GBE1: variants seen among roughly 807,000 people sequenced by gnomAD.
The protein encoded by GBE1 is 1,4-alpha-glucan branching enzyme 1.
A neutral mutation model predicts 88.8 loss-of-function variants in GBE1; 70 were observed. The ratio of observed to expected loss-of-function variants is 0.79; its 90% CI spans 0.65 to 0.96. The LOEUF (loss-of-function observed/expected upper bound fraction) is 0.96, where lower values mean the gene tolerates loss of function less well. Among genes scored for constraint, GBE1 ranks in the 40% least tolerant of loss-of-function variants. The pLI is 0.00. For missense variants in GBE1, 872 were observed against 871.0 expected (o/e 1.00, Z -0.01); for synonymous variants, 284 against 300.1 (o/e 0.95, Z 0.56).
At chr3:81,750,883 T>C (rs1413405021) in intron 1 of GBE1, among the ~76,000 whole-genome samples, 1 of 150,934 alleles carries the variant, frequency 6.6e-6, no homozygotes, top group Admixed American at 6.6e-5. Context: ...TTTCACCATA[T>C]TGGCCAGGCT....
intron 12 of GBE1, 24 bp downstream of exon 12, chr3:81,577,901 C>T (rs1284386300): frequency 1.9e-6 from 3 of 1,540,194 alleles, no homozygotes; most frequent in East Asian, 4.7e-5. Flanking sequence ...ACACAAATTG[C>T]ATATGTGTTT....
chr3:81,493,263 G>C (rs1336280226), intron 15 of GBE1, among the ~76,000 whole-genome samples: 1 of 152,072 alleles, frequency 6.6e-6, no homozygotes, highest in Non-Finnish European at 1.5e-5. Flanking sequence ...CAGGTAAAAA[G>C]ACCCTGATAA....
chr3:81,554,273 T>G (rs747665185), intron 12 of GBE1, among the ~76,000 whole-genome samples: 4 of 152,174 alleles, frequency 2.6e-5, no homozygotes, highest in Non-Finnish European at 5.9e-5. Flanking sequence ...AATTTGCTAA[T>G]GGAGAACCTT....
chr3:81,761,316 G>A (rs1575782005), intron 1 of GBE1, 59 bp downstream of exon 1: 3 of 1,549,344 alleles, frequency 1.9e-6, no homozygotes, highest in South Asian at 2.3e-5. Flanking sequence ...CGTGTCCCGA[G>A]ACGGCTCCTG....
At chr3:81,637,635 C>G (rs1408686181) in intron 7 of GBE1, among the ~76,000 whole-genome samples, 2 of 151,860 alleles carry the variant, frequency 1.3e-5, no homozygotes, top group African/African-American at 4.8e-5. Flanking sequence ...GAATTGTTCT[C>G]TTTGTAATTC....
chr3:81,584,118 A>T (rs1703766701), intron 10 of GBE1, among the ~76,000 whole-genome samples: 2 of 152,100 alleles, frequency 1.3e-5, no homozygotes, highest in South Asian at 4.1e-4. Context: ...AAAATGATCA[A>T]ATAAAATGAA....
intron 1 of GBE1, among the ~76,000 whole-genome samples, chr3:81,709,109 A>G (rs1705816628): frequency 6.6e-6 from 1 of 152,210 alleles, no homozygotes; most frequent in Non-Finnish European, 1.5e-5. Context: ...GTTACACCTC[A>G]TTGCTGCGTA....
chr3:81,511,281 G>T (rs1263658036), intron 14 of GBE1, among the ~76,000 whole-genome samples: 1 of 151,802 alleles, frequency 6.6e-6, no homozygotes, highest in Non-Finnish European at 1.5e-5. Context: ...ACAATTTATG[G>T]CTAACTCATC....
intron 7 of GBE1, among the ~76,000 whole-genome samples, chr3:81,598,229 T>C (rs1703985327): frequency 6.6e-6 from 1 of 151,822 alleles, no homozygotes; most frequent in African/African-American, 2.4e-5. Context: ...TGGCTAAATA[T>C]CAAAAAAATA....
chr3:81,734,854 A>G (rs1706238421), intron 1 of GBE1, among the ~76,000 whole-genome samples: 1 of 152,188 alleles, frequency 6.6e-6, no homozygotes, highest in Non-Finnish European at 1.5e-5. Flanking sequence ...CCTGAGGTCA[A>G]TGTGGTACAA....
chr3:81,648,767 C>CA (rs1009426313), intron 5 of GBE1, 89 bp downstream of exon 5: 2 of 749,516 alleles, frequency 2.7e-6, no homozygotes, highest in Admixed American at 3.6e-5. Context: ...TCTCCTAACA[C>CA]AAAAAAGAGA....
chr3:81,573,214 T>C (rs962788364), intron 12 of GBE1, among the ~76,000 whole-genome samples: 8 of 152,210 alleles, frequency 5.3e-5, no homozygotes, highest in African/African-American at 1.4e-4. Flanking sequence ...CCAATCAGAA[T>C]GGCATGTAAA....
intron 9 of GBE1, among the ~76,000 whole-genome samples, chr3:81,590,611 A>G (rs969423809): frequency 6.6e-6 from 1 of 152,116 alleles, no homozygotes; most frequent in Non-Finnish European, 1.5e-5. Flanking sequence ...AGGTAATCAC[A>G]TCAGAACAAG....
intron 3 of GBE1, among the ~76,000 whole-genome samples, chr3:81,658,546 G>A (rs1704975317): frequency 6.6e-6 from 1 of 152,160 alleles, no homozygotes; most frequent in South Asian, 2.1e-4. Flanking sequence ...GAATGATTTA[G>A]AGAGACAGAA....
chr3:81,574,179 CTTTTA>C (rs1391990938), intron 12 of GBE1, among the ~76,000 whole-genome samples: 3 of 152,012 alleles, frequency 2.0e-5, no homozygotes, highest in African/African-American at 2.4e-5. Context: ...ATGAAATAAT[CTTTTA>C]TTTTAAACAA....
chr3:81,722,896 G>GTGTGTATA (rs756121951), intron 1 of GBE1, among the ~76,000 whole-genome samples: 5 of 135,322 alleles, frequency 3.7e-5, no homozygotes, highest in African/African-American at 1.4e-4. Flanking sequence ...GTGTGTGTGT[G>GTGTGTATA]TATATATATA....
At chr3:81,604,290 T>C (rs999159868) in intron 7 of GBE1, among the ~76,000 whole-genome samples, 3 of 148,162 alleles carry the variant, frequency 2.0e-5, no homozygotes, top group Admixed American at 6.7e-5. Context: ...TTCTTTCTTT[T>C]TTTTTTTTTT....
chr3:81,539,552 G>A (rs1703118366), intron 12 of GBE1, among the ~76,000 whole-genome samples: 1 of 151,980 alleles, frequency 6.6e-6, no homozygotes, highest in South Asian at 2.1e-4. Flanking sequence ...AAAGTTGAAT[G>A]ATAGGAAAAC....
chr3:81,652,860 T>G (rs1704870357), intron 3 of GBE1, among the ~76,000 whole-genome samples: 1 of 152,182 alleles, frequency 6.6e-6, no homozygotes. Flanking sequence ...CTCACAAAAC[T>G]CTTTTGGTGA....
Sources: allele counts gnomAD v4.1 joint callset (sites outside exome capture counted in the v4.1 genomes callset), GRCh38; gene constraint gnomAD v4.1.1; transcripts MANE v1.5; gene names NCBI Gene and HGNC (gene_info 2026-07-23, HGNC 2026-07-21).